TRMT11: variants seen among roughly 807,000 people sequenced by gnomAD.
TRMT11 encodes the protein tRNA methyltransferase 11.
Under a neutral mutation model 62.8 loss-of-function variants are expected in TRMT11, and 53 were observed. The ratio of observed to expected loss-of-function variants is 0.84; its 90% CI spans 0.68 to 1.06. The LOEUF (loss-of-function observed/expected upper bound fraction) is 1.06. Ranked by LOEUF, TRMT11 falls within the 50% of genes least tolerant of loss-of-function variation. TRMT11 has a pLI of 0.00. For synonymous variants in TRMT11, 188 were observed against 190.3 expected, an observed-to-expected ratio of 0.99 and a Z score of 0.10; for missense variants, 556 against 553.4, an observed-to-expected ratio of 1.00 and a Z score of -0.05.
At chr6:126,180,633 A>G (rs1778447474) in intron 1 of TRMT11, among the ~76,000 whole-genome samples, 1 of 152,222 alleles carries the variant, frequency 6.6e-6, no homozygotes, top group Non-Finnish European at 1.5e-5. Context: ...AGAATGATTC[A>G]TATACTTTTA....
chr6:126,096,980 A>G (rs1353239537), intron 17 of TRMT11, among the ~76,000 whole-genome samples: 1 of 152,202 alleles, frequency 6.6e-6, no homozygotes, highest in East Asian at 1.9e-4. Context: ...GGGGTTTATA[A>G]CCACAGTCAA....
At chr6:126,000,020 T>C (rs898164229) in intron 7 of TRMT11, among the ~76,000 whole-genome samples, 1 of 152,210 alleles carries the variant, frequency 6.6e-6, no homozygotes, top group Non-Finnish European at 1.5e-5. Context: ...CAGTTTAAAT[T>C]CATAACTGTA....
At chr6:126,184,471 A>G (rs1256963813) in intron 1 of TRMT11, among the ~76,000 whole-genome samples, 1 of 152,194 alleles carries the variant, frequency 6.6e-6, no homozygotes, top group Non-Finnish European at 1.5e-5. Flanking sequence ...AACATTACAT[A>G]TAATACTTCA....
chr6:126,113,438 T>G (rs1239718765), intron 18 of TRMT11, among the ~76,000 whole-genome samples: 1 of 152,048 alleles, frequency 6.6e-6, no homozygotes, highest in Non-Finnish European at 1.5e-5. Context: ...GGCAGTGGAG[T>G]GAGTTCCTGA....
the TRMT11 span, among the ~76,000 whole-genome samples, chr6:126,224,455 G>A: frequency 3.3e-5 from 5 of 152,132 alleles, no homozygotes; most frequent in African/African-American, 7.2e-5. Context: ...CTCTAATGCC[G>A]GGGGGCTGGG....
At chr6:126,155,256 C>G (rs1778103814) in intron 21 of TRMT11, among the ~76,000 whole-genome samples, 1 of 152,062 alleles carries the variant, frequency 6.6e-6, no homozygotes, top group Admixed American at 6.5e-5. Context: ...CACACACTTT[C>G]AAAGAACTCG....
At chr6:126,256,095 A>G in the TRMT11 span, among the ~76,000 whole-genome samples, 8 of 152,184 alleles carry the variant, frequency 5.3e-5, no homozygotes, top group Non-Finnish European at 1.0e-4. Flanking sequence ...GCTTTCTCAC[A>G]TGACCTACAG....
At chr6:126,148,078 G>A (rs1348900443) in intron 21 of TRMT11, among the ~76,000 whole-genome samples, 1 of 152,048 alleles carries the variant, frequency 6.6e-6, no homozygotes, top group East Asian at 1.9e-4. Flanking sequence ...ATTGTATGAT[G>A]CTCTATATAA....
intron 17 of TRMT11, among the ~76,000 whole-genome samples, chr6:126,095,942 G>C (rs1248922324): frequency 6.6e-6 from 1 of 152,172 alleles, no homozygotes; most frequent in African/African-American, 2.4e-5. Flanking sequence ...TTGGAGCTTG[G>C]ATTCTGGGGG....
chr6:126,223,294 G>A, the TRMT11 span, among the ~76,000 whole-genome samples: 4 of 152,010 alleles, frequency 2.6e-5, no homozygotes, highest in Non-Finnish European at 4.4e-5. Context: ...GGTGGTGGGC[G>A]CCTGTAGTCC....
chr6:126,244,782 G>T, the TRMT11 span, among the ~76,000 whole-genome samples: 1 of 152,128 alleles, frequency 6.6e-6, no homozygotes, highest in African/African-American at 2.4e-5. Flanking sequence ...GACACGCAAG[G>T]TGCAATTTAT....
chr6:126,192,984 T>C (rs562625489), intron 1 of TRMT11, among the ~76,000 whole-genome samples: 4 of 152,326 alleles, frequency 2.6e-5, no homozygotes, highest in Admixed American at 2.6e-4. Context: ...CAACTTTTTT[T>C]TGAAATAGGT....
At chr6:126,063,000 ATAAAT>A (rs1353981902) in intron 17 of TRMT11, among the ~76,000 whole-genome samples, 3 of 152,238 alleles carry the variant, frequency 2.0e-5, no homozygotes, top group African/African-American at 7.2e-5. Context: ...AAACAATATC[ATAAAT>A]TAATATTTAT....
intron 17 of TRMT11, among the ~76,000 whole-genome samples, chr6:126,060,485 G>A (rs576800065): frequency 9.8e-5 from 15 of 152,336 alleles, no homozygotes; most frequent in African/African-American, 3.6e-4. Context: ...CAGACCGAGT[G>A]TAGTCTAAGA....
At chr6:126,067,380 CTT>C (rs1360620406) in intron 17 of TRMT11, among the ~76,000 whole-genome samples, 8 of 152,158 alleles carry the variant, frequency 5.3e-5, no homozygotes, top group Non-Finnish European at 7.4e-5. Context: ...AATATCTTGA[CTT>C]TTAGATAATC....
chr6:126,184,071 A>G (rs913773698), intron 1 of TRMT11, among the ~76,000 whole-genome samples: 1 of 152,210 alleles, frequency 6.6e-6, no homozygotes, highest in Non-Finnish European at 1.5e-5. Context: ...TTGGCTTTAT[A>G]ATAATCCTTG....
At chr6:126,127,264 G>A (rs185381057) in intron 21 of TRMT11, among the ~76,000 whole-genome samples, 11 of 152,216 alleles carry the variant, frequency 7.2e-5, no homozygotes, top group South Asian at 2.1e-4. Context: ...AGATAGGGAA[G>A]AGTATGCTTG....
intron 17 of TRMT11, among the ~76,000 whole-genome samples, chr6:126,055,613 C>G (rs1238876282): frequency 6.6e-6 from 1 of 152,132 alleles, no homozygotes; most frequent in African/African-American, 2.4e-5. Flanking sequence ...GGATGACGTA[C>G]TGGGTGAGAT....
the TRMT11 span, among the ~76,000 whole-genome samples, chr6:126,252,807 A>G: frequency 6.6e-6 from 1 of 152,228 alleles, no homozygotes; most frequent in African/African-American, 2.4e-5. Context: ...GGTTTTACCT[A>G]TTGAACTTTT....
Sources: gnomAD v4.1 joint callset for allele counts (sites outside exome capture counted in the v4.1 genomes callset) on GRCh38, gnomAD v4.1.1 for gene constraint, MANE v1.5 for transcripts, NCBI Gene and HGNC (gene_info 2026-07-23, HGNC 2026-07-21) for gene names.